CCNK: variants seen among roughly 807,000 people sequenced by gnomAD.
CCNK encodes the protein cyclin K.
A neutral mutation model predicts 65.0 loss-of-function variants in CCNK; 9 were observed. That is an observed-to-expected ratio of 0.14 (90% confidence interval 0.08 to 0.24). The LOEUF (loss-of-function observed/expected upper bound fraction) is 0.24. Among genes scored for constraint, CCNK ranks in the 10% least tolerant of loss-of-function variants. The probability of loss-of-function intolerance (pLI) is 1.00; values close to 1 mark genes in which losing one functional copy is unlikely to be tolerated. For synonymous variants in CCNK, 279 were observed against 270.8 expected (o/e 1.03, Z -0.30); for missense variants, 474 against 720.0 (o/e 0.66, Z 3.91).
At position 99,495,649 on chromosome 14, in the gene CCNK, C is replaced by T. The variant is rs1050752455; in HGVS notation, c.411+20C>T. On this transcript the variant is annotated intron_variant, in intron 4 of 10. Transcript: ENST00000389879. ...CCAAAGGTAAGAATGATAATAACTT[C>T]CTGCCTTCTGGTCTTGATTCCTTAT... 4 of 1,593,132 alleles carry T rather than the reference C, an allele frequency of 2.5e-6. No homozygotes were observed. The highest frequency in any genetic ancestry group is 1.4e-5 in the African/African-American group (1 of 73,778).
chr14:99,509,605 C>T (rs1000597616), intron 10 of CCNK: 9 of 161,126 alleles, frequency 5.6e-5, no homozygotes, highest in Non-Finnish European at 1.1e-4. Flanking sequence ...TGAGAGCACA[C>T]AGTGGGGTTT....
chr14:99,500,920 T>C (rs183907313), intron 5 of CCNK, 49 bp downstream of exon 5: 47 of 1,171,950 alleles, frequency 4.0e-5, no homozygotes, highest in Non-Finnish European at 5.4e-5. Flanking sequence ...AATCAAGTCT[T>C]TATAATTTGA....
intron 1 of CCNK, among the ~76,000 whole-genome samples, chr14:99,488,194 A>AC (rs1180067327): frequency 6.6e-6 from 1 of 151,988 alleles, no homozygotes; most frequent in African/African-American, 2.4e-5. Flanking sequence ...AAGAAAATTA[A>AC]CTGACAGTAA....
intron 4 of CCNK, 99 bp from the exon 5 acceptor site, chr14:99,500,667 C>A: frequency 1.2e-6 from 1 of 806,632 alleles, no homozygotes; most frequent in Non-Finnish European, 2.1e-6. Context: ...TAAAATATAA[C>A]TTGAAGAGAG....
chr14:99,489,546 A>G (rs1434459665), intron 1 of CCNK, among the ~76,000 whole-genome samples: 1 of 152,244 alleles, frequency 6.6e-6, no homozygotes, highest in African/African-American at 2.4e-5. Context: ...TAAGTAAGTA[A>G]GTAAATAAAT....
In CCNK at chr14:99,511,717, C is replaced by G. The variant is rs1007539839; in HGVS notation, c.*935C>G. The G allele has an allele frequency of 5.2e-5, 8 of 152,854 alleles. No homozygotes were observed. The highest frequency in any genetic ancestry group is 4.6e-4 in the Admixed American group (7 of 15,312). 9.5% of individuals were successfully genotyped at this position (152,854 alleles called of 1,614,324 possible). Reference sequence around the variant, plus strand: ...GCTGCCTGCCAAGCCAGCCTGCCCCCATCCTGTGCCTGCCTTGGTTTCCTT... The same window carrying G: ...GCTGCCTGCCAAGCCAGCCTGCCCCGATCCTGTGCCTGCCTTGGTTTCCTT... On this transcript the variant is annotated 3_prime_UTR_variant, in exon 11 of 11. Transcript: ENST00000389879.
intron 6 of CCNK, 36 bp from the exon 7 acceptor site, chr14:99,502,171 C>G (rs1274706216): frequency 2.6e-6 from 4 of 1,534,062 alleles, no homozygotes; most frequent in African/African-American, 1.4e-5. Flanking sequence ...AATATTAGAT[C>G]ATATTATCTA....
intron 6 of CCNK, 46 bp downstream of exon 6, chr14:99,501,459 C>G: frequency 1.6e-6 from 2 of 1,263,122 alleles, no homozygotes; most frequent in Non-Finnish European, 2.3e-6. Context: ...TTAAAATAGG[C>G]AGAGACTTTA....
intron 8 of CCNK, 78 bp from the exon 9 acceptor site, chr14:99,503,533 G>T (rs377111669): frequency 7.9e-7 from 1 of 1,270,268 alleles, no homozygotes; most frequent in African/African-American, 1.5e-5. Context: ...GCTGATTCTG[G>T]TGGTACCTGG....
chr14:99,503,136 C>T (rs1215279165), intron 8 of CCNK, 152 bp downstream of exon 8: 4 of 903,272 alleles, frequency 4.4e-6, no homozygotes, highest in Non-Finnish European at 7.2e-6. Flanking sequence ...CGGTGGGGAG[C>T]CTGAAAACAA....
intron 1 of CCNK, among the ~76,000 whole-genome samples, chr14:99,486,835 A>G (rs1488354512): frequency 1.3e-5 from 2 of 152,144 alleles, no homozygotes; most frequent in African/African-American, 4.8e-5. Context: ...GCATACCTCT[A>G]AACAGCCCTT....
At position 99,512,327 on chromosome 14, in the gene CCNK, CA is replaced by C. The variant is rs1389005608; in HGVS notation, c.*1546del. The C allele has an allele frequency of 1.3e-5, 2 of 151,882 alleles. No homozygotes were observed. Among genetic ancestry groups the C allele is most frequent in the African/African-American group, 4.8e-5 (2 of 41,314 alleles). The allele number at this position is 151,882 out of a possible 1,614,324, so 9.4% of individuals were successfully genotyped here. A position where few individuals can be genotyped will look rare whatever the true frequency, so the allele number is the denominator to read the frequency against. ...AGCTGCCGGGCCCGGGGACAGAAAC[CA>C]GACGTTCCAGTCCATCTCCAAAAAG... On this transcript the variant is annotated 3_prime_UTR_variant, in exon 11 of 11. Transcript: ENST00000389879.
intron 9 of CCNK, 200 bp downstream of exon 9, chr14:99,503,844 C>T: frequency 5.2e-6 from 3 of 582,070 alleles, no homozygotes. Context: ...ACGAAGCTAT[C>T]AGTACAGAAA....
intron 4 of CCNK, among the ~76,000 whole-genome samples, chr14:99,497,027 C>T (rs1896717389): frequency 6.8e-6 from 1 of 147,558 alleles, no homozygotes; most frequent in Admixed American, 6.8e-5. Context: ...TGCACAGCTT[C>T]CCCCATTTTC....
In CCNK at chr14:99,510,976, TAGCC is replaced by T; in HGVS notation, c.*195_*198del. 2.4e-6 allele frequency: 1 copy of T among 422,926 alleles called. No individual in the cohort carries two copies. The highest frequency in any genetic ancestry group is 4.0e-6 in the Non-Finnish European group (1 of 247,480). 26.2% of individuals were successfully genotyped at this position (422,926 alleles called of 1,614,324 possible). A position where few individuals can be genotyped will look rare whatever the true frequency, so the allele number is the denominator to read the frequency against. On this transcript the variant is annotated 3_prime_UTR_variant, in exon 11 of 11. Coordinates refer to ENST00000389879, the MANE Select transcript of CCNK (RefSeq NM_001099402.2). ...GGACGGGGACAACCAGCTTTCAGAG[TAGCC>T]TCATCAGTGCCCTTGCAGTCTGACT...
At chr14:99,501,918 G>A (rs1896840177) in intron 6 of CCNK, 1 of 266,858 alleles carries the variant, frequency 3.7e-6, no homozygotes, top group African/African-American at 2.2e-5. Context: ...GAGTGGCTAG[G>A]ATTTCAACAG....
At position 99,511,441 on chromosome 14, in the gene CCNK, A is replaced by G. The variant is rs369414287; in HGVS notation, c.*659A>G. 1 of 152,518 alleles carries G rather than the reference A, an allele frequency of 6.6e-6. No individual in the cohort carries two copies. The highest frequency in any genetic ancestry group is 1.5e-5 in the Non-Finnish European group (1 of 68,038). 9.4% of individuals were successfully genotyped at this position (152,518 alleles called of 1,614,324 possible). On this transcript the variant is annotated 3_prime_UTR_variant, in exon 11 of 11. Coordinates refer to ENST00000389879, the MANE Select transcript of CCNK (RefSeq NM_001099402.2). ...ATTTTTTAAGTGTGAATGTAACAAC[A>G]TACTGTGAATTCCATCTTGGTTACA...
At chr14:99,509,883 G>A (rs1218116755) in intron 10 of CCNK, 10 of 517,096 alleles carry the variant, frequency 1.9e-5, no homozygotes, top group Admixed American at 3.7e-5. Flanking sequence ...AGGGGGCTTC[G>A]GGTGCTGCCG....
At chr14:99,486,656 T>C (rs867981223) in intron 1 of CCNK, among the ~76,000 whole-genome samples, 10 of 152,270 alleles carry the variant, frequency 6.6e-5, no homozygotes, top group South Asian at 2.1e-4. Context: ...CATTTGTCTT[T>C]TTAGTATCAC....
Sources: allele counts gnomAD v4.1 joint callset (sites outside exome capture counted in the v4.1 genomes callset), GRCh38; gene constraint gnomAD v4.1.1; transcripts MANE v1.5; gene names NCBI Gene and HGNC (gene_info 2026-07-23, HGNC 2026-07-21).